The following UST variants were observed in gnomAD, a reference collection of about 807,000 sequenced individuals.
The protein encoded by UST is uronyl 2-sulfotransferase, also known as chondroitin sulfate 2-O-sulfotransferase.
In UST, 21 loss-of-function variants were observed where a neutral mutation model predicts 45.6. The observed-to-expected ratio is 0.46, with a 90% CI of 0.33 to 0.66. The LOEUF (loss-of-function observed/expected upper bound fraction) is 0.66, where lower values mean the gene tolerates loss of function less well. Ranked by LOEUF, UST falls within the 30% of genes least tolerant of loss-of-function variation. The pLI, the probability that UST is intolerant of heterozygous loss-of-function variation, is 0.02. For missense variants in UST, 463 were observed against 512.4 expected (o/e 0.90, Z 0.93); for synonymous variants, 215 against 200.6 (o/e 1.07, Z -0.61).
intron 4 of UST, among the ~76,000 whole-genome samples, chr6:148,957,922 A>G (rs1201623844): frequency 6.6e-6 from 1 of 152,154 alleles, no homozygotes; most frequent in African/African-American, 2.4e-5. Flanking sequence ...GATATTTCCA[A>G]TCCTCCACAC....
intron 2 of UST, 135 bp from the exon 3 acceptor site, chr6:148,941,144 T>C (rs1780117632): frequency 5.0e-6 from 5 of 997,158 alleles, no homozygotes; most frequent in Non-Finnish European, 7.5e-6. Context: ...ATATACATCC[T>C]TTTTATTAAT....
intron 2 of UST, among the ~76,000 whole-genome samples, chr6:148,895,915 T>C (rs374471122): frequency 5.3e-5 from 8 of 152,236 alleles, no homozygotes; most frequent in South Asian, 4.1e-4. Context: ...TACATTTTTT[T>C]CCCCTTTTAA....
chr6:148,847,800 G>A (rs932703484), intron 1 of UST, among the ~76,000 whole-genome samples: 3 of 152,180 alleles, frequency 2.0e-5, no homozygotes, highest in Admixed American at 2.0e-4. Flanking sequence ...GCCTGTTCTG[G>A]GTAAATTATC....
chr6:148,783,830 T>A (rs1776686955), intron 1 of UST, among the ~76,000 whole-genome samples: 1 of 152,164 alleles, frequency 6.6e-6, no homozygotes, highest in African/African-American at 2.4e-5. Context: ...CAGTGGGAAT[T>A]TTCTGTCCCC....
intron 7 of UST, among the ~76,000 whole-genome samples, chr6:149,025,569 G>T (rs561380016): frequency 6.6e-6 from 1 of 152,280 alleles, no homozygotes; most frequent in African/African-American, 2.4e-5. Flanking sequence ...GAGCACCAAG[G>T]CCCCAGCAGG....
At chr6:149,059,418 C>T (rs962281876) in intron 7 of UST, among the ~76,000 whole-genome samples, 5 of 152,232 alleles carry the variant, frequency 3.3e-5, no homozygotes, top group Non-Finnish European at 5.9e-5. Context: ...TGGACATCTG[C>T]GGCCATCAAT....
rs141409806 is a variant in UST at position 148,886,659 on chromosome 6, G to T, written c.248-327G>T. ...AACAAGCCCTGCGGGTAATTCTGAA[G>T]TACAATAACATTTGAGTACCAATGG... On this transcript the variant is annotated intron_variant, in intron 1 of 7. Transcript: ENST00000367463. Among the ~76,000 whole-genome samples, 6 of 152,292 alleles carry T rather than the reference G, an allele frequency of 3.9e-5. No individual in the cohort carries two copies. In the East Asian group the frequency reaches 1.2e-3, roughly 29 times the overall value.
chr6:148,855,292 C>A (rs767882912), intron 1 of UST, among the ~76,000 whole-genome samples: 28 of 152,172 alleles, frequency 1.8e-4, no homozygotes, highest in Non-Finnish European at 8.8e-5. Flanking sequence ...TGCTTTGCAG[C>A]CTACTTGCCT....
At chr6:148,853,807 GTTGT>G (rs751565071) in intron 1 of UST, among the ~76,000 whole-genome samples, 4 of 152,230 alleles carry the variant, frequency 2.6e-5, no homozygotes, top group Non-Finnish European at 4.4e-5. Context: ...TTTTAATGGG[GTTGT>G]TTGTTTTTCT....
At chr6:148,942,131 A>T (rs1405374031) in intron 3 of UST, among the ~76,000 whole-genome samples, 1 of 152,126 alleles carries the variant, frequency 6.6e-6, no homozygotes, top group African/African-American at 2.4e-5. Context: ...GAGTGTTCTC[A>T]TGGTCATTTT....
At chr6:148,937,218 C>A (rs931641362) in intron 2 of UST, among the ~76,000 whole-genome samples, 1 of 152,166 alleles carries the variant, frequency 6.6e-6, no homozygotes, top group Admixed American at 6.5e-5. Context: ...AAGGCTGATT[C>A]CAGAAATTTT....
At chr6:148,886,436 C>T (rs1412388562) in intron 1 of UST, among the ~76,000 whole-genome samples, 1 of 152,228 alleles carries the variant, frequency 6.6e-6, no homozygotes, top group East Asian at 1.9e-4. Flanking sequence ...ACTCTGAATA[C>T]ACACATGCCA....
intron 5 of UST, among the ~76,000 whole-genome samples, chr6:149,001,096 G>A (rs1224249888): frequency 7.1e-6 from 1 of 140,076 alleles, no homozygotes; most frequent in African/African-American, 2.6e-5. Context: ...TTTTGAGACA[G>A]AGTCTTGCTC....
chr6:148,806,223 T>C (rs974257529), intron 1 of UST, among the ~76,000 whole-genome samples: 1 of 152,242 alleles, frequency 6.6e-6, no homozygotes, highest in Non-Finnish European at 1.5e-5. Context: ...CTTTTGGTTG[T>C]TGTAGACTCA....
intron 5 of UST, among the ~76,000 whole-genome samples, chr6:148,967,356 G>T (rs1335824297): frequency 6.6e-6 from 1 of 151,946 alleles, no homozygotes; most frequent in Non-Finnish European, 1.5e-5. Flanking sequence ...AGAGCCTGGT[G>T]GTGGGGGGGA....
chr6:149,023,146 GT>G (rs1456874726), intron 7 of UST, among the ~76,000 whole-genome samples: 1 of 116,240 alleles, frequency 8.6e-6, no homozygotes, highest in Non-Finnish European at 1.9e-5. Context: ...GTGTGTGTGT[GT>G]GTGGTGTGGT....
chr6:148,905,319 C>T (rs1411277782), intron 2 of UST, among the ~76,000 whole-genome samples: 1 of 152,148 alleles, frequency 6.6e-6, no homozygotes, highest in Admixed American at 6.5e-5. Flanking sequence ...CAGGGCTCCT[C>T]TGCCCCTGAA....
intron 2 of UST, among the ~76,000 whole-genome samples, chr6:148,901,848 T>C (rs932094575): frequency 6.6e-6 from 1 of 152,144 alleles, no homozygotes; most frequent in East Asian, 1.9e-4. Flanking sequence ...CGTGAGCCAC[T>C]GCGCCTGGCT....
chr6:148,770,808 G>A (rs1358126320), intron 1 of UST, among the ~76,000 whole-genome samples: 1 of 152,156 alleles, frequency 6.6e-6, no homozygotes, highest in Admixed American at 6.5e-5. Flanking sequence ...CTGGTGCAGC[G>A]GGCAGAGGGA....
Sources: gnomAD v4.1 joint callset for allele counts (sites outside exome capture counted in the v4.1 genomes callset) on GRCh38, gnomAD v4.1.1 for gene constraint, MANE v1.5 for transcripts, NCBI Gene and HGNC (gene_info 2026-07-23, HGNC 2026-07-21) for gene names.